Variants in ANKRD36C observed in about 807,000 individuals in gnomAD.
ANKRD36C encodes ankyrin repeat domain-containing protein 36C.
A neutral mutation model predicts 276.4 loss-of-function variants in ANKRD36C; 61 were observed. The ratio of observed to expected loss-of-function variants is 0.22; its 90% confidence interval spans 0.18 to 0.27. The LOEUF (loss-of-function observed/expected upper bound fraction) is 0.27. Ranked by LOEUF, ANKRD36C falls within the 10% of genes least tolerant of loss-of-function variation. ANKRD36C has a pLI of 1.00. For missense variants in ANKRD36C, 1,447 were observed against 2,032.3 expected (o/e 0.71, Z 5.54); for synonymous variants, 483 against 680.1 (o/e 0.71, Z 4.51).
At chr2:95,985,447 G>A (rs972888762) in intron 3 of ANKRD36C, among the ~76,000 whole-genome samples, 1 of 152,188 alleles carries the variant, frequency 6.6e-6, no homozygotes, top group Non-Finnish European at 1.5e-5. Context: ...TTTTATTGTT[G>A]TTGTTGTGTT....
chr2:95,897,111 C>T (rs1361186721), intron 44 of ANKRD36C, among the ~76,000 whole-genome samples, 159 bp downstream of exon 60: 1 of 150,366 alleles, frequency 6.7e-6, no homozygotes, highest in African/African-American at 2.4e-5. Flanking sequence ...TCCAGACCAG[C>T]AGCATCATCA....
At chr2:95,882,178 A>C (rs1676098878) in intron 56 of ANKRD36C, 124 bp downstream of exon 76, 1 of 802,562 alleles carries the variant, frequency 1.2e-6, no homozygotes. Flanking sequence ...GTAGAAATGC[A>C]CAATCTCAGG....
rs1293089281 is a variant in ANKRD36C at position 95,902,430 on chromosome 2, C to T, written c.2654-3094G>A. ...TTTCACACCTTCCTGCCTCACAATC[C>T]GTCTCCCTTAGGAAAATAGTTGCTA... On this transcript the variant is annotated intron_variant, in intron 42 of 66. Transcript: ENST00000456556. 9.3e-5 allele frequency among the ~76,000 whole-genome samples: 14 copies of T among 150,240 alleles called. 1 individual carries two copies. The highest frequency in any genetic ancestry group is 2.1e-4 in the South Asian group (1 of 4,774).
intron 58 of ANKRD36C, among the ~76,000 whole-genome samples, chr2:95,879,163 G>A (rs1452878366): frequency 3.3e-5 from 5 of 152,138 alleles, no homozygotes; most frequent in Non-Finnish European, 5.9e-5. Flanking sequence ...GGATGGAACA[G>A]GAGGACATTA....
At chr2:95,950,010 A>G (rs1437136449) in intron 16 of ANKRD36C, among the ~76,000 whole-genome samples, 1 of 152,268 alleles carries the variant, frequency 6.6e-6, no homozygotes, top group Non-Finnish European at 1.5e-5. Context: ...AAAATAAGAA[A>G]AAGCTTCAGC....
In ANKRD36C at chr2:95,881,052, T is replaced by C. The variant is rs181330042; in HGVS notation, c.3368-429A>G. 1.6e-3 allele frequency among the ~76,000 whole-genome samples: 247 copies of C among 152,196 alleles called. 9 individuals are homozygous for C. The East Asian group carries it at 0.043, about 27-fold the overall frequency. ...ATAACATAAACATTCATCATGCTCTTTAGCTTGTCTGATAACTGAGAAGGT... is the reference window on the plus strand; with the variant it reads ...ATAACATAAACATTCATCATGCTCTCTAGCTTGTCTGATAACTGAGAAGGT... On this transcript the variant is annotated intron_variant, in intron 56 of 66. Transcript: ENST00000456556.
intron 50 of ANKRD36C, among the ~76,000 whole-genome samples, chr2:95,886,773 G>A (rs1676213061): frequency 1.3e-5 from 2 of 151,636 alleles, no homozygotes; most frequent in African/African-American, 2.4e-5. Context: ...ATCGATCAAC[G>A]TGGATGTATG....
Position 95,879,377 on chromosome 2 carries a change from G to A in ANKRD36C, c.3469+1050C>T, listed in dbSNP as rs565562238. Among the ~76,000 whole-genome samples, 1,247 of 151,602 alleles carry A rather than the reference G, an allele frequency of 8.2e-3. 12 individuals are homozygous for A. The highest frequency in any genetic ancestry group is 0.024 in the African/African-American group (991 of 41,318). On this transcript the variant is annotated intron_variant, in intron 58 of 66. Coordinates refer to ENST00000456556, the Ensembl canonical transcript of ANKRD36C. ...AGTTAGAAACAATGAATAAAATGTA[G>A]CATTTTATAGCACAAAAACATGACT...
chr2:95,884,090 G>T, intron 54 of ANKRD36C, 83 bp downstream of exon 74: 1 of 1,444,948 alleles, frequency 6.9e-7, no homozygotes, highest in Non-Finnish European at 9.5e-7. Context: ...CAGCTTCGAC[G>T]AGCCCTCCGT....
intron 44 of ANKRD36C, 112 bp from the exon 59 acceptor site, chr2:95,897,577 C>A (rs1394299458): frequency 1.5e-6 from 2 of 1,349,902 alleles, no homozygotes. Context: ...TTAGCGTAGG[C>A]TTTGATGGCT....
chr2:95,907,694 T>C (rs1676783304), intron 42 of ANKRD36C, among the ~76,000 whole-genome samples: 1 of 146,334 alleles, frequency 6.8e-6, no homozygotes, highest in African/African-American at 2.6e-5. Context: ...GAGTATCGTG[T>C]TATTCTCTAA....
intron 59 of ANKRD36C, among the ~76,000 whole-genome samples, chr2:95,872,404 T>C (rs1675835089): frequency 6.6e-6 from 1 of 151,028 alleles, no homozygotes. Flanking sequence ...AACAACCTGC[T>C]CCTGAATGAC....
chr2:95,901,926 C>T (rs557708004), intron 42 of ANKRD36C, among the ~76,000 whole-genome samples: 4 of 149,470 alleles, frequency 2.7e-5, no homozygotes, highest in Admixed American at 2.7e-4. Flanking sequence ...CTTTGACATA[C>T]TTCTACAAAG....
chr2:95,860,981 C>T (rs1017709999), intron 60 of ANKRD36C, among the ~76,000 whole-genome samples: 4 of 152,030 alleles, frequency 2.6e-5, no homozygotes, highest in Admixed American at 6.6e-5. Context: ...TTAGCAGAAA[C>T]GATGTCTGGG....
At chr2:95,850,048 C>T (rs571815724), downstream of ANKRD36C, among the ~76,000 whole-genome samples, 2 of 152,380 alleles carry the variant, frequency 1.3e-5, no homozygotes, top group African/African-American at 4.8e-5. Context: ...TCACAGTTAA[C>T]TAAGAGAAAG....
intron 40 of ANKRD36C, 138 bp from the exon 43 acceptor site, chr2:95,912,573 G>C (rs979984864): frequency 1.6e-5 from 25 of 1,518,586 alleles, no homozygotes; most frequent in Non-Finnish European, 2.1e-5. Context: ...TTTGTGTCTG[G>C]GGACCAGAAC....
At chr2:95,860,019 T>G in exon 61 of ANKRD36C, 1 of 1,547,754 alleles carries the variant, frequency 6.5e-7, no homozygotes, top group Non-Finnish European at 8.7e-7. Context: ...CTTTAAGTTC[T>G]GTTAATCTTT....
At chr2:95,972,246 C>A (rs1481836286) in intron 6 of ANKRD36C, among the ~76,000 whole-genome samples, 1 of 152,130 alleles carries the variant, frequency 6.6e-6, no homozygotes, top group Non-Finnish European at 1.5e-5. Context: ...ATGTGGTTGA[C>A]TCTGAACAGC....
chr2:95,852,726 C>A (rs1302896357), intron 64 of ANKRD36C: 1 of 152,222 alleles, frequency 6.6e-6, no homozygotes, highest in Non-Finnish European at 1.5e-5. Context: ...TATAGCAAAG[C>A]AACTTGCACA....
Sources: allele counts gnomAD v4.1 joint callset (sites outside exome capture counted in the v4.1 genomes callset), GRCh38; gene constraint gnomAD v4.1.1; transcripts MANE v1.5; gene names NCBI Gene and HGNC (gene_info 2026-07-23, HGNC 2026-07-21).